ANK3: variants seen among roughly 807,000 people sequenced by gnomAD.
The protein encoded by ANK3 is ankyrin-3.
In ANK3, 57 loss-of-function variants were observed where a neutral mutation model predicts 370.9. That is an observed-to-expected ratio of 0.15 (90% CI 0.12 to 0.19). ANK3 has a LOEUF of 0.19. Among genes scored for constraint, ANK3 ranks in the 10% least tolerant of loss-of-function variants. The pLI is 1.00. For synonymous variants in ANK3, 1,929 were observed against 1,946.3 expected (o/e 0.99, Z 0.23); for missense variants, 4,439 against 5,302.1 (o/e 0.84, Z 5.06).
intron 23 of ANK3, among the ~76,000 whole-genome samples, chr10:60,144,648 T>C (rs1000777442): frequency 2.0e-5 from 3 of 152,126 alleles, no homozygotes; most frequent in African/African-American, 4.8e-5. Context: ...TCCTACACCA[T>C]AATCAACCAT....
At chr10:60,351,415 A>G (rs2056843405) in intron 1 of ANK3, among the ~76,000 whole-genome samples, 1 of 152,166 alleles carries the variant, frequency 6.6e-6, no homozygotes, top group Admixed American at 6.5e-5. Context: ...CAGAACGTAC[A>G]TCTGCTGTGT....
At chr10:60,311,239 TGAA>T (rs2046280642) in intron 1 of ANK3, among the ~76,000 whole-genome samples, 1 of 152,104 alleles carries the variant, frequency 6.6e-6, no homozygotes, top group Admixed American at 6.6e-5. Context: ...CACAGATGAA[TGAA>T]GAAGCAAGGA....
At chr10:60,290,917 A>AC (rs1374957863) in intron 1 of ANK3, among the ~76,000 whole-genome samples, 1 of 152,166 alleles carries the variant, frequency 6.6e-6, no homozygotes, top group Non-Finnish European at 1.5e-5. Context: ...CAAGAGATTT[A>AC]CCTTGCCATA....
At chr10:60,390,005 A>AT, upstream of ANK3, 1 of 226,444 alleles carries the variant, frequency 4.4e-6, no homozygotes, top group Non-Finnish European at 7.3e-6. Context: ...TTTGAAAAAA[A>AT]GAAAAGGCTG....
chr10:60,602,603 T>C (rs1006462259), intron 2 of ANK3, among the ~76,000 whole-genome samples: 1 of 152,118 alleles, frequency 6.6e-6, no homozygotes, highest in Non-Finnish European at 1.5e-5. Flanking sequence ...GGTTCTTAAA[T>C]TGGGATATAT....
chr10:60,262,287 G>A (rs1350929805), intron 6 of ANK3, among the ~76,000 whole-genome samples: 4 of 152,150 alleles, frequency 2.6e-5, no homozygotes, highest in African/African-American at 9.7e-5. Flanking sequence ...GATTAGTGCC[G>A]CTGTTTTATT....
chr10:60,069,571 C>T lies in ANK3; in HGVS notation c.11310G>A (p.Gln3770=), dbSNP rs749599472. ...ITMISNTANS[Q]MGVRPHEKHD... is the part of the protein sequence containing the mutation. ...GTTTTTCATGGGGCCTAACGCCCATCTGGCTATTGGCTGTATTTGAAATCA... is the reference window on the plus strand; with the variant it reads ...GTTTTTCATGGGGCCTAACGCCCATTTGGCTATTGGCTGTATTTGAAATCA... Residue 3770 remains glutamine (Q), a synonymous_variant, in exon 37 of 44, where the codon CAG becomes CAA. Transcript: ENST00000280772. 6.2e-7 allele frequency: 1 copy of T among 1,613,538 alleles called. No homozygotes were observed. Among genetic ancestry groups the T allele is most frequent in the Non-Finnish European group, 8.5e-7 (1 of 1,179,894 alleles).
At position 60,088,216 on chromosome 10, in the gene ANK3, G is replaced by A. The variant is rs768718440; in HGVS notation, c.3471C>T (p.Thr1157=). The A allele has an allele frequency of 7.4e-6, 12 of 1,614,168 alleles. No individual in the cohort carries two copies. The South Asian group carries it at 7.7e-5, about 10-fold the overall frequency. ...AAGATGCTTGAACAAGGGGCACTGT[G>A]GTGCTGCTCAGAATTCCACCTTCAG... is the stretch of plus-strand genomic sequence containing the variant. The part of the protein sequence containing the change: ...IGPEGGILSS[T]TVPLVQASFP... The change falls in exon 29 of 44, where the codon ACC becomes ACT. Residue 1157 remains threonine, a synonymous_variant. Transcript: ENST00000280772.
At chr10:60,676,343 T>C (rs1166902182) in intron 1 of ANK3, among the ~76,000 whole-genome samples, 1 of 152,172 alleles carries the variant, frequency 6.6e-6, no homozygotes, top group Non-Finnish European at 1.5e-5. Flanking sequence ...AATTTTAAAA[T>C]ATGAATTAGA....
intron 2 of ANK3, among the ~76,000 whole-genome samples, chr10:60,582,888 T>C (rs1024997455): frequency 6.6e-6 from 1 of 151,992 alleles, no homozygotes; most frequent in South Asian, 2.1e-4. Flanking sequence ...TTAGTGAAAA[T>C]GTGGAGAAAA....
intron 1 of ANK3, among the ~76,000 whole-genome samples, chr10:60,355,432 T>C (rs563140344): frequency 6.6e-6 from 1 of 152,324 alleles, no homozygotes; most frequent in African/African-American, 2.4e-5. Flanking sequence ...GATCCTTTAG[T>C]GGCACCACTA....
rs759601589 is a variant in ANK3 at position 60,088,264 on chromosome 10, C to T, written c.3423G>A (p.Lys1141=). The change falls in exon 29 of 44, where the codon AAG becomes AAA. Residue 1141 remains lysine (K), a synonymous_variant. Coordinates refer to ENST00000280772, the MANE Select transcript of ANK3 (RefSeq NM_020987.5). The stretch of plus-strand genomic sequence containing the variant: ...CAGGACCAATCTGGTTGCTTTCCTG[C>T]TTAATCCGGGAAACCACTGCAAAAT... ...PQYFAVVSRI[K]QESNQIGPEG... 2.5e-6 allele frequency: 4 copies of T among 1,614,058 alleles called. No homozygotes were observed. The East Asian group carries it at 8.9e-5, about 36-fold the overall frequency.
intron 2 of ANK3, among the ~76,000 whole-genome samples, chr10:60,442,424 A>C (rs1320327053): frequency 6.6e-6 from 1 of 152,058 alleles, no homozygotes; most frequent in Non-Finnish European, 1.5e-5. Context: ...AATCATCTCA[A>C]GATTATTTAT....
chr10:60,173,217 A>T (rs2095841168), intron 18 of ANK3, 31 bp from the exon 19 acceptor site: 1 of 1,535,536 alleles, frequency 6.5e-7, no homozygotes, highest in Admixed American at 1.8e-5. Flanking sequence ...AAAAAGAAGC[A>T]TCATAATTAC....
At chr10:60,126,826 T>C (rs2093787161) in intron 25 of ANK3, among the ~76,000 whole-genome samples, 1 of 152,206 alleles carries the variant, frequency 6.6e-6, no homozygotes, top group Non-Finnish European at 1.5e-5. Flanking sequence ...AATCTCAAGG[T>C]TGAATGGCAC....
chr10:60,655,173 AATC>A (rs1243702601), intron 1 of ANK3, among the ~76,000 whole-genome samples: 1 of 152,028 alleles, frequency 6.6e-6, no homozygotes, highest in Non-Finnish European at 1.5e-5. Context: ...TATACTTTTT[AATC>A]ATCATTTTAG....
chr10:60,408,684 A>T (rs572670510), intron 2 of ANK3, among the ~76,000 whole-genome samples: 3 of 152,306 alleles, frequency 2.0e-5, no homozygotes, highest in East Asian at 1.9e-4. Flanking sequence ...AAAAGAAAGT[A>T]TCAATCTCTT....
At chr10:60,318,903 C>T (rs1404641610) in intron 1 of ANK3, among the ~76,000 whole-genome samples, 2 of 152,186 alleles carry the variant, frequency 1.3e-5, no homozygotes, top group East Asian at 3.9e-4. Flanking sequence ...CTAAGAAACA[C>T]TGACAATTTC....
intron 18 of ANK3, among the ~76,000 whole-genome samples, chr10:60,179,423 G>A (rs534301963): frequency 9.8e-5 from 15 of 152,328 alleles, no homozygotes; most frequent in East Asian, 5.8e-4. Context: ...GGCCGGGAAC[G>A]GTGGCTCATG....
Sources: gnomAD v4.1 joint callset for allele counts (sites outside exome capture counted in the v4.1 genomes callset) on GRCh38, gnomAD v4.1.1 for gene constraint, MANE v1.5 for transcripts, NCBI Gene and HGNC (gene_info 2026-07-23, HGNC 2026-07-21) for gene names.